PCDHA11: variants seen among roughly 807,000 people sequenced by gnomAD.
PCDHA11 encodes protocadherin alpha 11.
A neutral mutation model predicts 70.3 loss-of-function variants in PCDHA11; 61 were observed. The observed-to-expected ratio is 0.87, with a 90% CI of 0.71 to 1.07. The LOEUF (loss-of-function observed/expected upper bound fraction) is 1.07, where lower values mean the gene tolerates loss of function less well. Among genes scored for constraint, PCDHA11 ranks in the 50% least tolerant of loss-of-function variants. PCDHA11 has a pLI of 0.00. For missense variants in PCDHA11, 1,324 were observed against 1,237.5 expected (o/e 1.07, Z -1.05); for synonymous variants, 633 against 555.1 (o/e 1.14, Z -1.97).
rs1554164977 is a variant in PCDHA11 at position 140,871,015 on chromosome 5, G to A, written c.1912G>A (p.Glu638Lys). 1.9e-6 allele frequency: 3 copies of A among 1,613,126 alleles called. No homozygotes were observed. The highest frequency in any genetic ancestry group is 2.2e-5 in the East Asian group (1 of 44,880). Residue 638 changes from glutamate to lysine, a missense_variant, in exon 1 of 4, where the codon GAG (glutamate) becomes AAG (lysine). Glu to Lys is a moderately conservative substitution (Grantham distance 56, BLOSUM62 1). Coordinates refer to ENST00000398640, the MANE Select transcript of PCDHA11 (RefSeq NM_018902.5). The stretch of plus-strand genomic sequence containing the variant: ...GATAAGCACAACGCGTGCCCTGGAC[G>A]AGGCAGACTCGCCGCGCCACCGACT... ...GEISTTRALDEADSPRHRLLV... is the reference protein window; with the variant it reads ...GEISTTRALDKADSPRHRLLV...
In PCDHA11 at chr5:140,883,696, G is replaced by C. The variant is rs142212706; in HGVS notation, c.2391+12202G>C. On this transcript the variant is annotated intron_variant, in intron 1 of 3. Transcript: ENST00000398640. ...ATCCGCCGGGCTGCCACATCTTCAC[G>C]GTGTCTGCTCAGGACGCGGACGCAC... The C allele has an allele frequency of 1.7e-4, 276 of 1,613,818 alleles. 1 individual carries two copies. In the African/African-American group the frequency reaches 3.2e-3, roughly 19 times the overall value.
chr5:140,944,317 A>G (rs2093641596), intron 1 of PCDHA11, among the ~76,000 whole-genome samples: 2 of 152,090 alleles, frequency 1.3e-5, no homozygotes. Flanking sequence ...CCTCCTGAGT[A>G]GCTGGGATTA....
chr5:141,003,684 A>C (rs1425078507), intron 3 of PCDHA11, among the ~76,000 whole-genome samples: 1 of 152,240 alleles, frequency 6.6e-6, no homozygotes, highest in Non-Finnish European at 1.5e-5. Flanking sequence ...TTCTGATTTT[A>C]AAATATATCC....
chr5:141,003,685 A>G (rs782131958), intron 3 of PCDHA11, among the ~76,000 whole-genome samples: 12 of 152,198 alleles, frequency 7.9e-5, no homozygotes, highest in Non-Finnish European at 1.2e-4. Flanking sequence ...TCTGATTTTA[A>G]AATATATCCC....
intron 3 of PCDHA11, among the ~76,000 whole-genome samples, chr5:141,008,972 C>T (rs1554261973): frequency 6.6e-6 from 1 of 152,148 alleles, no homozygotes; most frequent in African/African-American, 2.4e-5. Context: ...CATTTATAGC[C>T]AAAGTTTAAT....
At chr5:140,976,316 C>T (rs1336395893) in intron 1 of PCDHA11, among the ~76,000 whole-genome samples, 17 of 152,002 alleles carry the variant, frequency 1.1e-4, no homozygotes, top group Admixed American at 1.0e-3. Context: ...TTTGGGAGGC[C>T]GAGGAGGGTG....
intron 1 of PCDHA11, among the ~76,000 whole-genome samples, chr5:140,921,151 AT>A (rs11299094): frequency 0.63 from 94,902 of 151,506 alleles, 30,179 homozygotes; most frequent in African/African-American, 0.71. Flanking sequence ...CAGCTAATGC[AT>A]TTTTTTTTTA....
At position 140,880,491 on chromosome 5, in the gene PCDHA11, A is replaced by G. The variant is rs570569134; in HGVS notation, c.2391+8997A>G. Among the ~76,000 whole-genome samples, 6 of 152,342 alleles carry G rather than the reference A, an allele frequency of 3.9e-5. No individual in the cohort carries two copies. In the South Asian group the frequency reaches 1.2e-3, roughly 32 times the overall value. On this transcript the variant is annotated intron_variant, in intron 1 of 3. Transcript: ENST00000398640. Reference sequence around the variant, plus strand: ...AGGAAAAATGACACAAGAAGAGAGCAATTGAATTTCTGTTTGGTCACATCT... The same window carrying G: ...AGGAAAAATGACACAAGAAGAGAGCGATTGAATTTCTGTTTGGTCACATCT...
At chr5:141,001,683 C>T (rs1042436989) in intron 3 of PCDHA11, among the ~76,000 whole-genome samples, 1 of 152,030 alleles carries the variant, frequency 6.6e-6, no homozygotes, top group Non-Finnish European at 1.5e-5. Flanking sequence ...TCCAACAAAC[C>T]CCACAGATGG....
intron 1 of PCDHA11, among the ~76,000 whole-genome samples, chr5:140,932,798 T>C (rs2153613163): frequency 6.6e-6 from 1 of 151,958 alleles, no homozygotes; most frequent in Middle Eastern, 3.4e-3. Flanking sequence ...AGAAAAGCAA[T>C]ACCTTGGAAA....
Position 140,877,800 on chromosome 5 carries a change from T to G in PCDHA11, c.2391+6306T>G. 2.5e-6 allele frequency: 4 copies of G among 1,613,522 alleles called. No homozygotes were observed. In the Middle Eastern group the frequency reaches 5.0e-4, roughly 200 times the overall value. On this transcript the variant is annotated intron_variant, in intron 1 of 3. Transcript: ENST00000398640. ...ACCTCATGGCCTTCAGCCCAAGCCT[T>G]CAGCTGTCTCGAGAAGATTGTTTAA...
At chr5:140,915,716 C>T (rs2077274657) in intron 1 of PCDHA11, among the ~76,000 whole-genome samples, 1 of 152,024 alleles carries the variant, frequency 6.6e-6, no homozygotes, top group East Asian at 1.9e-4. Context: ...GTGGCCCCCA[C>T]TTTGGATTGT....
intron 1 of PCDHA11, among the ~76,000 whole-genome samples, chr5:140,945,224 T>G (rs1563213002): frequency 6.6e-6 from 1 of 152,016 alleles, no homozygotes; most frequent in Admixed American, 6.6e-5. Flanking sequence ...ATAAAAATAC[T>G]TAGGAATAAA....
At chr5:140,988,058 A>G (rs2097280755) in intron 3 of PCDHA11, among the ~76,000 whole-genome samples, 1 of 152,200 alleles carries the variant, frequency 6.6e-6, no homozygotes, top group African/African-American at 2.4e-5. Flanking sequence ...CACTGTCAAC[A>G]TGAATTTTTC....
In PCDHA11 at chr5:140,871,400, C is replaced by T. The variant is rs146613275; in HGVS notation, c.2297C>T (p.Thr766Met). 4 of 1,614,128 alleles carry T rather than the reference C, an allele frequency of 2.5e-6. No homozygotes were observed. The highest frequency in any genetic ancestry group is 3.4e-6 in the Non-Finnish European group (4 of 1,179,990). ...RVCSEEGPPK[T>M]DLMAFSPSLP... ...TGCTCTGAGGAGGGCCCACCTAAGACGGACCTCATGGCCTTCAGCCCCAGT... is the reference window on the plus strand; with the variant it reads ...TGCTCTGAGGAGGGCCCACCTAAGATGGACCTCATGGCCTTCAGCCCCAGT... Residue 766 changes from threonine (T) to methionine (M), a missense_variant, in exon 1 of 4, where the codon ACG becomes ATG. Transcript: ENST00000398640.
In PCDHA11 at chr5:140,869,288, G is replaced by C. The variant is rs950790626; in HGVS notation, c.185G>C (p.Arg62Pro). 2 of 1,613,578 alleles carry C rather than the reference G, an allele frequency of 1.2e-6. No homozygotes were observed. Among genetic ancestry groups the C allele is most frequent in the South Asian group, 1.1e-5 (1 of 91,046 alleles). The part of the protein sequence containing the change: ...LGLELAELVQ[R>P]LFRVASKTHG... The stretch of plus-strand genomic sequence containing the variant: ...CTGGAGCTGGCGGAGCTGGTGCAGC[G>C]CCTGTTCCGGGTGGCGTCCAAAACA... The change falls in exon 1 of 4, where the codon CGC becomes CCC. Residue 62 changes from arginine (R) to proline (P), a missense_variant. Arg to Pro is a moderately radical substitution (Grantham distance 103). Transcript: ENST00000398640.
chr5:140,966,767 A>G, intron 1 of PCDHA11: 1 of 1,484,362 alleles, frequency 6.7e-7, no homozygotes, highest in Non-Finnish European at 8.9e-7. Context: ...GCCAGTGGCT[A>G]TGGAGCAGGC....
rs543390372 is a variant in PCDHA11 at position 140,900,669 on chromosome 5, A to G, written c.2391+29175A>G. 4.8e-4 allele frequency among the ~76,000 whole-genome samples: 73 copies of G among 152,334 alleles called. 1 individual carries two copies. The highest frequency in any genetic ancestry group is 1.5e-3 in the South Asian group (7 of 4,824). On this transcript the variant is annotated intron_variant, in intron 1 of 3. Transcript: ENST00000398640. ...CTGCTGCAATGAACAATGGGAGTGC[A>G]GTTATCTCTTCAATATACTGATTTC...
intron 1 of PCDHA11, among the ~76,000 whole-genome samples, chr5:140,920,752 G>A (rs2079807244): frequency 6.6e-6 from 1 of 151,768 alleles, no homozygotes; most frequent in African/African-American, 2.4e-5. Context: ...GCTGAGGCAG[G>A]AGAATTGCTT....
Sources: gnomAD v4.1 joint callset for allele counts (sites outside exome capture counted in the v4.1 genomes callset) on GRCh38, gnomAD v4.1.1 for gene constraint, MANE v1.5 for transcripts, NCBI Gene and HGNC (gene_info 2026-07-23, HGNC 2026-07-21) for gene names.